Variants in PTPRD observed in about 807,000 individuals in gnomAD.
The protein encoded by PTPRD is receptor-type tyrosine-protein phosphatase delta.
A neutral mutation model predicts 214.5 loss-of-function variants in PTPRD; 34 were observed. The observed-to-expected ratio is 0.16, with a 90% confidence interval of 0.12 to 0.21. PTPRD has a LOEUF of 0.21. Among genes scored for constraint, PTPRD ranks in the 10% least tolerant of loss-of-function variants. The probability of loss-of-function intolerance (pLI) is 1.00; values close to 1 mark genes in which losing one functional copy is unlikely to be tolerated. For missense variants in PTPRD, 2,545 were observed against 2,398.7 expected (o/e 1.06, Z -1.27); for synonymous variants, 1,128 against 845.7 (o/e 1.33, Z -5.79).
At chr9:9,113,068 G>C (rs1056271585) in intron 10 of PTPRD, among the ~76,000 whole-genome samples, 1 of 151,492 alleles carries the variant, frequency 6.6e-6, no homozygotes, top group South Asian at 2.1e-4. Context: ...GGACCCAAGT[G>C]ATCCTCCTCC....
intron 2 of PTPRD, among the ~76,000 whole-genome samples, chr9:10,496,755 T>C (rs1405068536): frequency 1.3e-5 from 2 of 152,110 alleles, no homozygotes; most frequent in African/African-American, 4.8e-5. Context: ...GTATATCTTC[T>C]TTTGAGAGGT....
At chr9:9,901,430 A>G (rs1005580156) in intron 5 of PTPRD, among the ~76,000 whole-genome samples, 1 of 134,058 alleles carries the variant, frequency 7.5e-6, no homozygotes, top group East Asian at 2.7e-4. Flanking sequence ...TGCAAAGATA[A>G]TCCTCTTTCA....
At chr9:9,448,975 T>A (rs1204065231) in intron 8 of PTPRD, among the ~76,000 whole-genome samples, 1 of 152,098 alleles carries the variant, frequency 6.6e-6, no homozygotes, top group Non-Finnish European at 1.5e-5. Flanking sequence ...CTGCTCTCTC[T>A]GAGGAATTCC....
At chr9:10,052,772 T>C (rs141012486) in intron 3 of PTPRD, among the ~76,000 whole-genome samples, 1 of 152,228 alleles carries the variant, frequency 6.6e-6, no homozygotes, top group East Asian at 1.9e-4. Context: ...TTCTTCAAAA[T>C]GTATCCATCT....
intron 2 of PTPRD, among the ~76,000 whole-genome samples, chr9:10,420,598 T>C (rs2098537117): frequency 6.6e-6 from 1 of 151,870 alleles, no homozygotes. Flanking sequence ...TAAATTACCA[T>C]ATTCTTCTCC....
chr9:8,576,812 A>G (rs993116635), intron 14 of PTPRD, among the ~76,000 whole-genome samples: 1 of 152,042 alleles, frequency 6.6e-6, no homozygotes, highest in Non-Finnish European at 1.5e-5. Flanking sequence ...CCTATACCAA[A>G]CCAATGCCAA....
chr9:9,865,262 G>A (rs1234807143), intron 5 of PTPRD, among the ~76,000 whole-genome samples: 4 of 152,126 alleles, frequency 2.6e-5, no homozygotes, highest in Admixed American at 6.6e-5. Flanking sequence ...CAAAAGTCAC[G>A]TTGAAACTTA....
intron 8 of PTPRD, among the ~76,000 whole-genome samples, chr9:9,495,397 G>A (rs1322330558): frequency 2.0e-5 from 3 of 151,336 alleles, no homozygotes; most frequent in Non-Finnish European, 4.4e-5. Context: ...TTCTATTCCT[G>A]TTTTCCCACT....
intron 11 of PTPRD, among the ~76,000 whole-genome samples, chr9:8,919,782 T>C (rs2098812557): frequency 2.0e-5 from 3 of 149,880 alleles, no homozygotes; most frequent in Admixed American, 6.7e-5. Flanking sequence ...TATGCACATC[T>C]ATGCACAATA....
rs555384283 is a variant in PTPRD at position 8,315,254 on chromosome 9, C to T, written c.*2620G>A. 1.0e-3 allele frequency: 234 copies of T among 232,608 alleles called. 1 individual carries two copies. Among genetic ancestry groups the T allele is most frequent in the African/African-American group, 3.5e-3 (159 of 45,312 alleles). 14.4% of individuals were successfully genotyped at this position (232,608 alleles called of 1,614,324 possible). On this transcript the variant is annotated 3_prime_UTR_variant, in exon 46 of 46. Coordinates refer to ENST00000381196, the MANE Select transcript of PTPRD (RefSeq NM_002839.4). Reference sequence around the variant, plus strand: ...ACAGTAAGATTCCCGCAATAGTCTCCGCCTCGTTCGTCTATGGTATGCATC... The same window carrying T: ...ACAGTAAGATTCCCGCAATAGTCTCTGCCTCGTTCGTCTATGGTATGCATC...
At chr9:9,014,644 C>G (rs1006974833) in intron 11 of PTPRD, among the ~76,000 whole-genome samples, 1 of 152,060 alleles carries the variant, frequency 6.6e-6, no homozygotes, top group African/African-American at 2.4e-5. Context: ...TGACTGTCAT[C>G]TTTATCAAGC....
chr9:8,351,735 C>G (rs1221090156), intron 39 of PTPRD, among the ~76,000 whole-genome samples: 1 of 70,322 alleles, frequency 1.4e-5, no homozygotes. Context: ...GACTGCTTGG[C>G]AAAGAGTAAA....
intron 9 of PTPRD, among the ~76,000 whole-genome samples, chr9:9,376,809 A>G (rs892494527): frequency 1.3e-5 from 2 of 152,146 alleles, no homozygotes; most frequent in Non-Finnish European, 2.9e-5. Flanking sequence ...GCGGGATCCA[A>G]TGAAACACCA....
chr9:10,056,550 T>C (rs1226595917), intron 3 of PTPRD, among the ~76,000 whole-genome samples: 2 of 152,114 alleles, frequency 1.3e-5, no homozygotes, highest in Non-Finnish European at 2.9e-5. Flanking sequence ...CTTAGTGTTT[T>C]TAATAGTAAG....
chr9:8,768,810 G>A (rs765924885), intron 11 of PTPRD, among the ~76,000 whole-genome samples: 1 of 152,122 alleles, frequency 6.6e-6, no homozygotes, highest in Admixed American at 6.5e-5. Flanking sequence ...ATTAATATTA[G>A]AAATGAAGTA....
chr9:8,492,815 A>C, intron 27 of PTPRD, 47 bp downstream of exon 27: 1 of 1,392,396 alleles, frequency 7.2e-7, no homozygotes, highest in Admixed American at 1.7e-5. Context: ...ACCATTTAAA[A>C]AGTTAGTATT....
At chr9:9,525,536 A>G (rs1418383215) in intron 8 of PTPRD, among the ~76,000 whole-genome samples, 1 of 152,196 alleles carries the variant, frequency 6.6e-6, no homozygotes, top group African/African-American at 2.4e-5. Flanking sequence ...TATTGAGAGG[A>G]ATAAATTATT....
intron 3 of PTPRD, among the ~76,000 whole-genome samples, chr9:10,125,757 T>C (rs1591792445): frequency 6.6e-6 from 1 of 151,894 alleles, no homozygotes; most frequent in Non-Finnish European, 1.5e-5. Flanking sequence ...GCTGGGATTA[T>C]AGGCGTGAGC....
intron 30 of PTPRD, among the ~76,000 whole-genome samples, chr9:8,476,020 G>C (rs2096757217): frequency 6.6e-6 from 1 of 152,196 alleles, no homozygotes; most frequent in Admixed American, 6.5e-5. Context: ...GGTATCAGAA[G>C]GCCAGCAGGA....
Sources: gnomAD v4.1 joint callset for allele counts (sites outside exome capture counted in the v4.1 genomes callset) on GRCh38, gnomAD v4.1.1 for gene constraint, MANE v1.5 for transcripts, NCBI Gene and HGNC (gene_info 2026-07-23, HGNC 2026-07-21) for gene names.